MOB3B: variants seen among roughly 807,000 people sequenced by gnomAD.
MOB3B encodes the protein MOB kinase activator-like 2B.
MOB3B carries 7 observed loss-of-function variants against 18.7 expected under a neutral mutation model. The ratio of observed to expected loss-of-function variants is 0.37; its 90% CI spans 0.21 to 0.70. The LOEUF (loss-of-function observed/expected upper bound fraction) is 0.70. MOB3B is among the 30% of genes least tolerant of loss of function. The pLI, the probability that MOB3B is intolerant of heterozygous loss-of-function variation, is 0.52. For missense variants in MOB3B, 253 were observed against 281.3 expected (o/e 0.90, Z 0.72); for synonymous variants, 111 against 99.9 (o/e 1.11, Z -0.66).
intron 2 of MOB3B, among the ~76,000 whole-genome samples, chr9:27,389,846 G>T (rs961075109): frequency 6.6e-6 from 1 of 152,004 alleles, no homozygotes; most frequent in South Asian, 2.1e-4. Flanking sequence ...AGCCTGGACC[G>T]AGACCGAGGA....
chr9:27,412,471 G>A (rs140669513), intron 2 of MOB3B, among the ~76,000 whole-genome samples: 17 of 152,276 alleles, frequency 1.1e-4, no homozygotes, highest in African/African-American at 3.9e-4. Context: ...TCAGTGCTAT[G>A]AGGAAATGCT....
chr9:27,406,550 A>G (rs1276107363), intron 2 of MOB3B, among the ~76,000 whole-genome samples: 1 of 152,226 alleles, frequency 6.6e-6, no homozygotes, highest in East Asian at 1.9e-4. Context: ...ACATAGACCA[A>G]TGCAACAGAA....
chr9:27,522,569 C>T (rs1435062041), intron 1 of MOB3B, among the ~76,000 whole-genome samples: 1 of 151,526 alleles, frequency 6.6e-6, no homozygotes, highest in Non-Finnish European at 1.5e-5. Flanking sequence ...ATTTTTAGTG[C>T]TTACATATAT....
chr9:27,369,830 C>T lies in MOB3B; in HGVS notation c.419-10594G>A, dbSNP rs149325171. Among the ~76,000 whole-genome samples the T allele has an allele frequency of 5.0e-3, 755 of 152,246 alleles. 4 individuals carry two copies. Among genetic ancestry groups the T allele is most frequent in the African/African-American group, 0.018 (732 of 41,520 alleles). On this transcript the variant is annotated intron_variant, in intron 2 of 3. Coordinates refer to ENST00000262244, the MANE Select transcript of MOB3B (RefSeq NM_024761.5). ...TCAAACCTTAACTAATTTGTCACTT[C>T]CTCTAGAACGTCCTCCCTGGCCACC...
chr9:27,405,857 C>T (rs545339460), intron 2 of MOB3B, among the ~76,000 whole-genome samples: 21 of 152,200 alleles, frequency 1.4e-4, no homozygotes, highest in East Asian at 1.2e-3. Context: ...GCCAGAAAAG[C>T]GTTCAATGAA....
chr9:27,346,017 C>A (rs558247392), intron 3 of MOB3B, among the ~76,000 whole-genome samples: 1 of 152,228 alleles, frequency 6.6e-6, no homozygotes, highest in Admixed American at 6.5e-5. Flanking sequence ...GAACCTAATG[C>A]CCAGTGTAAT....
At chr9:27,522,925 A>ATG (rs200359083) in intron 1 of MOB3B, among the ~76,000 whole-genome samples, 1 of 150,290 alleles carries the variant, frequency 6.7e-6, no homozygotes, top group Admixed American at 6.8e-5. Context: ...ATATATATAT[A>ATG]TATTTTTTTC....
intron 2 of MOB3B, among the ~76,000 whole-genome samples, chr9:27,387,801 A>C (rs1372502986): frequency 6.6e-6 from 1 of 152,210 alleles, no homozygotes; most frequent in Non-Finnish European, 1.5e-5. Context: ...GACAGAAAGT[A>C]CAGGCTCTGA....
intron 1 of MOB3B, among the ~76,000 whole-genome samples, chr9:27,486,571 G>A (rs535108359): frequency 6.6e-6 from 1 of 152,252 alleles, no homozygotes; most frequent in Non-Finnish European, 1.5e-5. Flanking sequence ...AAGTGTCAGG[G>A]TTTCATATTC....
intron 1 of MOB3B, among the ~76,000 whole-genome samples, chr9:27,487,223 T>C (rs7041409): frequency 0.64 from 97,153 of 151,958 alleles, 32,183 homozygotes; most frequent in Non-Finnish European, 0.72. Context: ...TGCCAGACTA[T>C]ATTTTCTGGG....
At chr9:27,482,315 TGGTCTGG>T (rs1432391554) in intron 1 of MOB3B, among the ~76,000 whole-genome samples, 11 of 3,392 alleles carry the variant, frequency 3.2e-3, no homozygotes, top group African/African-American at 4.2e-3. Context: ...AATGTCTGGA[TGGTCTGG>T]ATGTTTGTTC....
intron 2 of MOB3B, among the ~76,000 whole-genome samples, chr9:27,383,657 T>A (rs148896493): frequency 6.6e-6 from 1 of 152,198 alleles, no homozygotes; most frequent in Non-Finnish European, 1.5e-5. Flanking sequence ...TCCCTTTAAA[T>A]CAGGACAGAG....
In MOB3B at chr9:27,326,060, G is replaced by C. The variant is rs1459739679; in HGVS notation, c.*4527C>G. 6.5e-6 allele frequency: 1 copy of C among 153,010 alleles called. No individual in the cohort carries two copies. The highest frequency in any genetic ancestry group is 1.4e-5 in the Non-Finnish European group (1 of 70,178). The allele number at this position is 153,010 out of a possible 1,614,324, so 9.5% of individuals were successfully genotyped here. A position where few individuals can be genotyped will look rare whatever the true frequency, so the allele number is the denominator to read the frequency against. ...GTCAGGAAGATAAACCAAAATGATT[G>C]AGTATGATAAAGAATTTTGCATGGC... On this transcript the variant is annotated 3_prime_UTR_variant, in exon 4 of 4. Transcript: ENST00000262244.
At position 27,329,821 on chromosome 9, in the gene MOB3B, T is replaced by C. The variant is rs937270310; in HGVS notation, c.*766A>G. The C allele has an allele frequency of 6.6e-6, 1 of 152,648 alleles. No homozygotes were observed. Among genetic ancestry groups the C allele is most frequent in the African/African-American group, 2.4e-5 (1 of 41,446 alleles). The allele number at this position is 152,648 out of a possible 1,614,324, so 9.5% of individuals were successfully genotyped here. ...AAGAGACAAGGAATGATGGTGGTTA[T>C]AAAAAATACATTCTGATCAGGTGAA... On this transcript the variant is annotated 3_prime_UTR_variant, in exon 4 of 4. Transcript: ENST00000262244.
At position 27,326,903 on chromosome 9, in the gene MOB3B, ACTAT is replaced by A. The variant is rs1299743117; in HGVS notation, c.*3680_*3683del. ...CCTTTGGAGGGTCACAACTCACTGT[ACTAT>A]CTAAGAGTTTTCCCAAAAAAACCAT... On this transcript the variant is annotated 3_prime_UTR_variant, in exon 4 of 4. Transcript: ENST00000262244. 10 of 228,086 alleles carry A rather than the reference ACTAT, an allele frequency of 4.4e-5. No homozygotes were observed. The highest frequency in any genetic ancestry group is 7.6e-5 in the Non-Finnish European group (9 of 118,622). 14.1% of individuals were successfully genotyped at this position (228,086 alleles called of 1,614,324 possible).
In MOB3B at chr9:27,455,646, A is replaced by G; in HGVS notation, c.-96T>C. 6.3e-7 allele frequency: 1 copy of G among 1,576,874 alleles called. No individual in the cohort carries two copies. ...CAGCCCAACAGTGTTTTCCACTGCC[A>G]GCACTCAGGCCCCAGTCTTACAGCC... On this transcript the variant is annotated 5_prime_UTR_variant, in exon 2 of 4. Coordinates refer to ENST00000262244, the MANE Select transcript of MOB3B (RefSeq NM_024761.5).
intron 2 of MOB3B, chr9:27,378,718 A>G: frequency 2.1e-6 from 1 of 470,710 alleles, no homozygotes; most frequent in Non-Finnish European, 4.4e-6. Flanking sequence ...TTGCATGTGC[A>G]TGGGCAGAGC....
chr9:27,378,855 A>G lies in MOB3B; in HGVS notation c.419-19619T>C, dbSNP rs1821531177. 12 of 375,764 alleles carry G rather than the reference A, an allele frequency of 3.2e-5. 1 individual carries two copies. Among genetic ancestry groups the G allele is most frequent in the South Asian group, 2.5e-4 (12 of 48,062 alleles). 23.3% of individuals were successfully genotyped at this position (375,764 alleles called of 1,614,324 possible). On this transcript the variant is annotated intron_variant, in intron 2 of 3. Coordinates refer to ENST00000262244, the MANE Select transcript of MOB3B (RefSeq NM_024761.5). Reference sequence around the variant, plus strand: ...TTTGGAAGAGGAAAGGGAAAAGAAAATTGCAAACCACTTATCCAGGGCCAC... The same window carrying G: ...TTTGGAAGAGGAAAGGGAAAAGAAAGTTGCAAACCACTTATCCAGGGCCAC...
At chr9:27,515,585 T>C (rs3849937) in intron 1 of MOB3B, among the ~76,000 whole-genome samples, 50,192 of 152,154 alleles carry the variant, frequency 0.33, 9,898 homozygotes, top group Non-Finnish European at 0.43. Flanking sequence ...TTTATTATTA[T>C]TAATAGCTAT....
Sources: gnomAD v4.1 joint callset for allele counts (sites outside exome capture counted in the v4.1 genomes callset) on GRCh38, gnomAD v4.1.1 for gene constraint, MANE v1.5 for transcripts, NCBI Gene and HGNC (gene_info 2026-07-23, HGNC 2026-07-21) for gene names.